The following TENM1 variants were observed in gnomAD, a reference collection of about 807,000 sequenced individuals.
The protein encoded by TENM1 is teneurin transmembrane protein 1.
A neutral mutation model predicts 174.8 loss-of-function variants in TENM1; 35 were observed. The ratio of observed to expected loss-of-function variants is 0.20; its 90% confidence interval spans 0.15 to 0.27. TENM1 has a LOEUF of 0.27. Ranked by LOEUF, TENM1 falls within the 10% of genes least tolerant of loss-of-function variation. TENM1 has a pLI of 1.00. For missense variants in TENM1, 1,633 were observed against 2,130.1 expected (o/e 0.77, Z 4.59); for synonymous variants, 781 against 798.7 (o/e 0.98, Z 0.37).
At chrX:124,702,802 T>C (rs1184711878) in intron 5 of TENM1, among the ~76,000 whole-genome samples, 2 of 111,425 alleles carry the variant, frequency 1.8e-5, no homozygotes, top group African/African-American at 6.5e-5. Flanking sequence ...ATTTATAAAA[T>C]ACATATGTAT....
intron 3 of TENM1, among the ~76,000 whole-genome samples, chrX:124,874,324 T>C (rs755429549): frequency 9.0e-6 from 1 of 111,476 alleles, no homozygotes; most frequent in Non-Finnish European, 1.9e-5. Context: ...TAAAATTTAG[T>C]TCAGTTTTAA....
At chrX:124,680,693 G>T (rs759252133) in intron 5 of TENM1, among the ~76,000 whole-genome samples, 1 of 111,448 alleles carries the variant, frequency 9.0e-6, no homozygotes, top group Non-Finnish European at 1.9e-5. Context: ...AATGAATAAC[G>T]TAGCAAAAAT....
chrX:124,436,000 A>G (rs1735564869), intron 23 of TENM1, among the ~76,000 whole-genome samples: 2 of 111,967 alleles, frequency 1.8e-5, no homozygotes, highest in African/African-American at 6.5e-5. Flanking sequence ...AATCTGGCTG[A>G]GGTCTCCCAA....
At chrX:124,457,186 T>C (rs1199637487) in intron 22 of TENM1, among the ~76,000 whole-genome samples, 2 of 111,972 alleles carry the variant, frequency 1.8e-5, no homozygotes, top group African/African-American at 6.5e-5. Context: ...TGGCCTCAGA[T>C]GCCCAGACAG....
At chrX:124,737,128 G>A in exon 4 of TENM1, 2 of 1,210,175 alleles carry the variant, frequency 1.7e-6, no homozygotes, top group Non-Finnish European at 2.2e-6. Context: ...ACAGGTGCAG[G>A]CATGAGGAGG....
chrX:125,092,180 A>G, the TENM1 span, among the ~76,000 whole-genome samples: 9 of 110,635 alleles, frequency 8.1e-5, no homozygotes, highest in Admixed American at 8.7e-4. Context: ...ATTAAAGCAC[A>G]CATCAAAATG....
At chrX:124,891,373 T>C (rs1450112927) in intron 3 of TENM1, among the ~76,000 whole-genome samples, 1 of 111,376 alleles carries the variant, frequency 9.0e-6, no homozygotes, top group Non-Finnish European at 1.9e-5. Flanking sequence ...TGATTACACA[T>C]TGTATGCCTG....
At chrX:124,962,351 A>T (rs1038925049) in intron 1 of TENM1, among the ~76,000 whole-genome samples, 1 of 111,299 alleles carries the variant, frequency 9.0e-6, no homozygotes, top group Non-Finnish European at 1.9e-5. Context: ...TTAAACCACA[A>T]ATGGGTCCCA....
intron 1 of TENM1, 50 bp downstream of exon 4, chrX:124,963,487 A>C (rs781756901): frequency 2.0e-5 from 21 of 1,076,625 alleles, no homozygotes; most frequent in Non-Finnish European, 2.3e-5. Context: ...GCACACAAGC[A>C]TTCTCTAATG....
chrX:125,132,748 A>T, the TENM1 span, among the ~76,000 whole-genome samples: 7 of 111,888 alleles, frequency 6.3e-5, no homozygotes, highest in African/African-American at 2.3e-4. Flanking sequence ...TCCCAAAGTC[A>T]TACTGGTAGA....
intron 5 of TENM1, among the ~76,000 whole-genome samples, chrX:124,673,262 CTGG>C (rs752921198): frequency 1.9e-4 from 21 of 111,691 alleles, no homozygotes; most frequent in Non-Finnish European, 3.6e-4. Flanking sequence ...TAGCTATGTG[CTGG>C]TGCCAGTGGA....
At chrX:124,603,886 A>G in intron 11 of TENM1, among the ~76,000 whole-genome samples, 1 of 111,432 alleles carries the variant, frequency 9.0e-6, no homozygotes, top group East Asian at 2.8e-4. Context: ...AGCCAGAATT[A>G]AGTAGGGATG....
chrX:124,986,263 A>C, the TENM1 span, among the ~76,000 whole-genome samples: 14 of 111,832 alleles, frequency 1.3e-4, no homozygotes, highest in Non-Finnish European at 2.3e-4. Context: ...CTGTTTTCAC[A>C]AAATTTTCAA....
chrX:124,816,327 T>C (rs1375077636), intron 3 of TENM1, among the ~76,000 whole-genome samples: 3 of 112,394 alleles, frequency 2.7e-5, no homozygotes, highest in African/African-American at 9.7e-5. Flanking sequence ...TATGAATGCA[T>C]GTATGTGTAT....
At chrX:124,844,539 T>C (rs913973452) in intron 3 of TENM1, among the ~76,000 whole-genome samples, 1 of 111,246 alleles carries the variant, frequency 9.0e-6, no homozygotes, top group African/African-American at 3.3e-5. Context: ...GGGGTGATCA[T>C]ATTTTTGTGC....
intron 3 of TENM1, among the ~76,000 whole-genome samples, chrX:124,818,899 G>A (rs2055968706): frequency 9.0e-6 from 1 of 111,236 alleles, no homozygotes; most frequent in African/African-American, 3.3e-5. Context: ...ATTGGTTCAG[G>A]TCAGTACACA....
the TENM1 span, among the ~76,000 whole-genome samples, chrX:125,008,260 GA>G: frequency 1.9e-4 from 20 of 103,393 alleles, no homozygotes; most frequent in African/African-American, 5.3e-4. Flanking sequence ...AATGTTAAAC[GA>G]AAAAAAAAAT....
intron 5 of TENM1, among the ~76,000 whole-genome samples, chrX:124,704,004 TATG>T (rs1299058403): frequency 8.9e-6 from 1 of 112,384 alleles, no homozygotes; most frequent in Non-Finnish European, 1.9e-5. Flanking sequence ...TCCACTGGTC[TATG>T]ATGCCCACAC....
chrX:124,870,275 A>G (rs775570118), intron 3 of TENM1, among the ~76,000 whole-genome samples: 1 of 112,126 alleles, frequency 8.9e-6, no homozygotes, highest in Admixed American at 9.5e-5. Flanking sequence ...GCTAAGTCCT[A>G]GAAACTATTC....
Sources: gnomAD v4.1 joint callset for allele counts (sites outside exome capture counted in the v4.1 genomes callset) on GRCh38, gnomAD v4.1.1 for gene constraint, MANE v1.5 for transcripts, NCBI Gene and HGNC (gene_info 2026-07-23, HGNC 2026-07-21) for gene names.